Variants in CTNS observed in about 807,000 individuals in gnomAD.
CTNS encodes cystinosin, lysosomal cystine transporter.
In CTNS, 27 loss-of-function variants were observed where a neutral mutation model predicts 43.7. The ratio of observed to expected loss-of-function variants is 0.62; its 90% confidence interval spans 0.46 to 0.85. The LOEUF (loss-of-function observed/expected upper bound fraction) is 0.85, where lower values mean the gene tolerates loss of function less well. Ranked by LOEUF, CTNS falls within the 40% of genes least tolerant of loss-of-function variation. CTNS has a pLI of 0.00. For synonymous variants in CTNS, 187 were observed against 190.6 expected (o/e 0.98, Z 0.16); for missense variants, 457 against 475.4 (o/e 0.96, Z 0.36).
rs2076255711 is a variant in CTNS, at chr17:3,660,307, GTCT to G, written c.1048_1050del (p.Phe350del). ...GGTCTTCTCCATCGTCTTCGACGTC[GTCT>G]TCTTCATCCAGCACTTCTGTTTGTA... On this transcript the variant is annotated inframe_deletion, in exon 12 of 12. Transcript: ENST00000046640. The G allele has an allele frequency of 6.2e-7, 1 of 1,614,240 alleles. No homozygotes were observed.
At chr17:3,638,395 G>A (rs1056677021) in intron 2 of CTNS, among the ~76,000 whole-genome samples, 11 of 151,920 alleles carry the variant, frequency 7.2e-5, no homozygotes, top group African/African-American at 2.4e-4. Flanking sequence ...ATGCCACCAC[G>A]CCTGGCTAAT....
Position 3,660,398 on chromosome 17 carries a change from T to TG in CTNS, c.*31dup, listed in dbSNP as rs1323372298. The TG allele has an allele frequency of 1.9e-6, 3 of 1,614,116 alleles. No homozygotes were observed. In the Admixed American group the frequency reaches 5.0e-5, roughly 27 times the overall value. On this transcript the variant is annotated 3_prime_UTR_variant, in exon 12 of 12. Coordinates refer to ENST00000046640, the MANE Select transcript of CTNS (RefSeq NM_004937.3). Reference sequence around the variant, plus strand: ...CCAGGGACCCAGTGTACCCAGCCTCTGGCCTCGTGCCCTGCTGGGGAAGGC... The same window carrying TG: ...CCAGGGACCCAGTGTACCCAGCCTCTGGGCCTCGTGCCCTGCTGGGGAAGGC...
Position 3,659,298 on chromosome 17 carries a change from C to T in CTNS, c.853-560C>T, listed in dbSNP as rs574883495. 1.4e-3 allele frequency among the ~76,000 whole-genome samples: 208 copies of T among 152,280 alleles called. 1 individual carries two copies. The highest frequency in any genetic ancestry group is 2.2e-3 in the Admixed American group (33 of 15,304). On this transcript the variant is annotated intron_variant, in intron 10 of 11. Coordinates refer to ENST00000046640, the MANE Select transcript of CTNS (RefSeq NM_004937.3). ...CTGGGGCGCATCCCCGCAGACCCGC[C>T]CCCCCAACCAGACCCAGGAAGCCCC... is the stretch of plus-strand genomic sequence containing the variant.
At chr17:3,648,165 C>T (rs2075889698) in intron 4 of CTNS, among the ~76,000 whole-genome samples, 2 of 152,190 alleles carry the variant, frequency 1.3e-5, no homozygotes, top group African/African-American at 4.8e-5. Flanking sequence ...TTCCCCCTTC[C>T]TCGCCTCTCC....
intron 5 of CTNS, chr17:3,650,294 T>G: frequency 1.3e-6 from 2 of 1,549,882 alleles, no homozygotes; most frequent in Non-Finnish European, 8.7e-7. Context: ...ACACGATCAG[T>G]CTCCAGCATG....
At chr17:3,653,647 G>T (rs2076045954) in intron 5 of CTNS, among the ~76,000 whole-genome samples, 1 of 152,124 alleles carries the variant, frequency 6.6e-6, no homozygotes, top group Non-Finnish European at 1.5e-5. Context: ...AGGCCAAGGT[G>T]GGTGGATCAC....
At chr17:3,659,096 G>A (rs886723336) in intron 10 of CTNS, among the ~76,000 whole-genome samples, 3 of 152,164 alleles carry the variant, frequency 2.0e-5, no homozygotes, top group African/African-American at 7.2e-5. Context: ...CTGCTGGAGG[G>A]GCAGCAGCAA....
At chr17:3,638,958 C>CTGCA (rs1371382203) in intron 2 of CTNS, among the ~76,000 whole-genome samples, 3 of 152,160 alleles carry the variant, frequency 2.0e-5, no homozygotes, top group Non-Finnish European at 2.9e-5. Flanking sequence ...TGAGGCAGAC[C>CTGCA]TGCAGCAGGC....
chr17:3,656,802 C>T lies in CTNS; in HGVS notation c.681+7C>T. 2 of 1,613,018 alleles carry T rather than the reference C, an allele frequency of 1.2e-6. No homozygotes were observed. Among genetic ancestry groups the T allele is most frequent in the Non-Finnish European group, 1.7e-6 (2 of 1,179,944 alleles). On this transcript the variant is annotated splice_region_variant and intron_variant, in intron 9 of 11. Coordinates refer to ENST00000046640, the MANE Select transcript of CTNS (RefSeq NM_004937.3). ...GCAGTGCTGCCTGTATGAGGTGAGA[C>T]CAGCCCTGGCCCCCCACAGGCCACC...
In CTNS at chr17:3,660,771, A is replaced by G. The variant is rs2076264407; in HGVS notation, c.*402A>G. ...GGTGAGCCAAGGGCACTTTGCTGCC[A>G]CCGCTGCATTCCCAGAGATCAAGCA... is the stretch of plus-strand genomic sequence containing the variant. On this transcript the variant is annotated 3_prime_UTR_variant, in exon 12 of 12. Transcript: ENST00000046640. 1 of 1,612,854 alleles carries G rather than the reference A, an allele frequency of 6.2e-7. No individual in the cohort carries two copies. The highest frequency in any genetic ancestry group is 8.5e-7 in the Non-Finnish European group (1 of 1,179,872).
Position 3,660,698 on chromosome 17 carries a change from A to C in CTNS, c.*329A>C. On this transcript the variant is annotated 3_prime_UTR_variant, in exon 12 of 12. Coordinates refer to ENST00000046640, the MANE Select transcript of CTNS (RefSeq NM_004937.3). ...GCTTGCAGCCGAAGGCCTTGCCCCA[A>C]ACTACCAGCGTTTCTGCAAGCAGCT... is the stretch of plus-strand genomic sequence containing the variant. The C allele has an allele frequency of 1.2e-6, 2 of 1,613,528 alleles. No homozygotes were observed. Among genetic ancestry groups the C allele is most frequent in the Non-Finnish European group, 1.7e-6 (2 of 1,179,962 alleles).
At chr17:3,640,374 A>C in intron 3 of CTNS, 107 bp downstream of exon 3, 1 of 1,241,086 alleles carries the variant, frequency 8.1e-7, no homozygotes, top group Non-Finnish European at 1.2e-6. Flanking sequence ...TTCAGACCAC[A>C]TGTCTCTGTC....
chr17:3,639,322 C>T (rs2150886925), intron 2 of CTNS, among the ~76,000 whole-genome samples: 1 of 152,278 alleles, frequency 6.6e-6, no homozygotes, highest in Middle Eastern at 3.4e-3. Context: ...TCATCCCTCC[C>T]CGAGTCCTCC....
chr17:3,654,605 C>T (rs1214578545), intron 5 of CTNS, among the ~76,000 whole-genome samples: 4 of 149,122 alleles, frequency 2.7e-5, no homozygotes, highest in South Asian at 2.1e-4. Context: ...CGCTTGAACT[C>T]GGGAGGCAGA....
At chr17:3,642,442 C>T (rs2150895195) in intron 3 of CTNS, among the ~76,000 whole-genome samples, 1 of 152,288 alleles carries the variant, frequency 6.6e-6, no homozygotes, top group South Asian at 2.1e-4. Flanking sequence ...AATCCCAGCA[C>T]TTTGGGAGGC....
intron 1 of CTNS, 36 bp from the exon 2 acceptor site, chr17:3,637,071 C>T (rs2075547494): frequency 6.6e-6 from 1 of 152,230 alleles, no homozygotes; most frequent in South Asian, 2.1e-4. Context: ...ACCTTCTGCT[C>T]AGTTGCCGCC....
At chr17:3,647,065 G>C (rs547464119) in intron 3 of CTNS, among the ~76,000 whole-genome samples, 4 of 152,326 alleles carry the variant, frequency 2.6e-5, no homozygotes, top group Non-Finnish European at 4.4e-5. Context: ...AGACCCCTGT[G>C]CTTTCATCTG....
chr17:3,647,679 G>A (rs1192791181), intron 4 of CTNS, 157 bp downstream of exon 4: 6 of 722,448 alleles, frequency 8.3e-6, no homozygotes, highest in South Asian at 1.5e-5. Context: ...CTAGCCCCGG[G>A]CTGCAGGATG....
chr17:3,652,265 C>G (rs1181446448), intron 5 of CTNS, among the ~76,000 whole-genome samples: 1 of 152,168 alleles, frequency 6.6e-6, no homozygotes, highest in Admixed American at 6.5e-5. Context: ...ACTTGACAGC[C>G]TTGTGAAGAT....
Sources: allele counts gnomAD v4.1 joint callset (sites outside exome capture counted in the v4.1 genomes callset), GRCh38; gene constraint gnomAD v4.1.1; transcripts MANE v1.5; gene names NCBI Gene and HGNC (gene_info 2026-07-23, HGNC 2026-07-21).